Variants in EPHB2 observed in about 807,000 individuals in gnomAD.
The protein encoded by EPHB2 is EPH receptor B2.
In EPHB2, 18 loss-of-function variants were observed where a neutral mutation model predicts 96.4. The ratio of observed to expected loss-of-function variants is 0.19; its 90% confidence interval spans 0.13 to 0.28. The LOEUF is 0.28. Ranked by LOEUF, EPHB2 falls within the 10% of genes least tolerant of loss-of-function variation. The pLI is 1.00. For synonymous variants in EPHB2, 506 were observed against 534.1 expected (o/e 0.95, Z 0.72); for missense variants, 989 against 1,355.4 (o/e 0.73, Z 4.25).
intron 6 of EPHB2, among the ~76,000 whole-genome samples, chr1:22,883,550 G>T (rs309484): frequency 1.3e-5 from 2 of 152,234 alleles, no homozygotes; most frequent in Non-Finnish European, 2.9e-5. Context: ...GGAGGCCTTT[G>T]GTTGAGGGCA....
At chr1:22,857,539 T>A (rs1233905405) in intron 3 of EPHB2, among the ~76,000 whole-genome samples, 2 of 151,816 alleles carry the variant, frequency 1.3e-5, no homozygotes, top group Non-Finnish European at 2.9e-5. Flanking sequence ...GGATGGTCAA[T>A]CCTCCCAGTT....
intron 9 of EPHB2, 105 bp downstream of exon 9, chr1:22,896,583 A>G (rs1176990103): frequency 6.8e-7 from 1 of 1,468,428 alleles, no homozygotes; most frequent in African/African-American, 1.4e-5. Flanking sequence ...CTGCAGGCAG[A>G]CAATGTCAAG....
intron 5 of EPHB2, 127 bp from the exon 6 acceptor site, chr1:22,882,232 G>T: frequency 6.6e-7 from 1 of 1,514,752 alleles, no homozygotes; most frequent in Non-Finnish European, 9.0e-7. Context: ...TGGCTCTGTG[G>T]CCTCAGCCAG....
chr1:22,819,313 C>T lies in EPHB2; in HGVS notation c.811+34237C>T, dbSNP rs570429077. Among the ~76,000 whole-genome samples the T allele has an allele frequency of 6.0e-5, 9 of 151,200 alleles. No individual in the cohort carries two copies. In the South Asian group the frequency reaches 1.9e-3, roughly 32 times the overall value. On this transcript the variant is annotated intron_variant, in intron 3 of 15. Coordinates refer to ENST00000374630, the MANE Select transcript of EPHB2 (RefSeq NM_017449.5). ...CATCTCCGGCCACCGCCTCTCACAA[C>T]CTCTGTTCCAGTCTCTCTGGCAGCC...
At chr1:22,892,741 T>C (rs1173113266) in intron 6 of EPHB2, 143 bp from the exon 7 acceptor site, 3 of 1,056,632 alleles carry the variant, frequency 2.8e-6, no homozygotes, top group Non-Finnish European at 4.4e-6. Context: ...CATAATTCTA[T>C]TAAAGGGAGG....
Position 22,773,279 on chromosome 1 carries a change from T to C in EPHB2, c.62-8142T>C, listed in dbSNP as rs1383585517. On this transcript the variant is annotated intron_variant, in intron 1 of 15. Transcript: ENST00000374630. ...CTTGTCTTCTCCTGGAATTTCTAACTTGGACCATGAAAAGAGTGCTGTGAC... is the reference window on the plus strand; with the variant it reads ...CTTGTCTTCTCCTGGAATTTCTAACCTGGACCATGAAAAGAGTGCTGTGAC... Among the ~76,000 whole-genome samples the C allele has an allele frequency of 2.6e-5, 4 of 152,198 alleles. No homozygotes were observed. In the East Asian group the frequency reaches 7.7e-4, roughly 29 times the overall value.
chr1:22,892,710 GA>G, intron 6 of EPHB2, 173 bp from the exon 7 acceptor site: 1 of 869,512 alleles, frequency 1.2e-6, no homozygotes, highest in Non-Finnish European at 2.0e-6. Context: ...GGGCAGTGTT[GA>G]AAAGTAACAT....
At chr1:22,872,743 A>G (rs964618240) in intron 5 of EPHB2, among the ~76,000 whole-genome samples, 31 of 152,288 alleles carry the variant, frequency 2.0e-4, no homozygotes, top group African/African-American at 7.0e-4. Context: ...CTTTTCTGCC[A>G]CTTGTGTTCT....
chr1:22,729,670 G>A (rs996310555), intron 1 of EPHB2, among the ~76,000 whole-genome samples: 1 of 152,170 alleles, frequency 6.6e-6, no homozygotes, highest in Non-Finnish European at 1.5e-5. Context: ...CATCCTCCAT[G>A]TTTTCAAGGA....
intron 7 of EPHB2, 98 bp from the exon 8 acceptor site, chr1:22,895,374 G>T: frequency 8.9e-7 from 1 of 1,117,966 alleles, no homozygotes; most frequent in Admixed American, 1.8e-5. Flanking sequence ...AGAGTCTAGG[G>T]ATCCCAGGAG....
At chr1:22,840,720 C>T (rs559153613) in intron 3 of EPHB2, among the ~76,000 whole-genome samples, 3 of 152,156 alleles carry the variant, frequency 2.0e-5, no homozygotes, top group Admixed American at 6.5e-5. Context: ...CTTTGCCTCC[C>T]GAAGTGCTGG....
At chr1:22,819,445 A>G (rs968176202) in intron 3 of EPHB2, among the ~76,000 whole-genome samples, 2 of 152,046 alleles carry the variant, frequency 1.3e-5, no homozygotes, top group Non-Finnish European at 1.5e-5. Flanking sequence ...TGGTACCCCC[A>G]TTCATCCTCC....
At chr1:22,888,867 G>T (rs943245028) in intron 6 of EPHB2, among the ~76,000 whole-genome samples, 2 of 152,170 alleles carry the variant, frequency 1.3e-5, no homozygotes, top group African/African-American at 4.8e-5. Context: ...ATATGAAGCA[G>T]CTTCCAGCTG....
At chr1:22,894,903 CA>C (rs1414344274) in intron 7 of EPHB2, among the ~76,000 whole-genome samples, 2 of 152,188 alleles carry the variant, frequency 1.3e-5, no homozygotes, top group Admixed American at 6.5e-5. Flanking sequence ...ATAAAACACT[CA>C]GGGACAAGAA....
intron 5 of EPHB2, among the ~76,000 whole-genome samples, chr1:22,870,996 G>C (rs141961978): frequency 6.6e-6 from 1 of 152,306 alleles, no homozygotes; most frequent in Non-Finnish European, 1.5e-5. Context: ...AAAACACAGA[G>C]ATCATTCTCT....
At chr1:22,901,653 G>A (rs1480197843) in intron 9 of EPHB2, among the ~76,000 whole-genome samples, 1 of 152,224 alleles carries the variant, frequency 6.6e-6, no homozygotes, top group Non-Finnish European at 1.5e-5. Flanking sequence ...CTGGCCACCA[G>A]GCACTCACTC....
At chr1:22,746,092 G>A (rs1643970599) in intron 1 of EPHB2, among the ~76,000 whole-genome samples, 1 of 152,210 alleles carries the variant, frequency 6.6e-6, no homozygotes, top group South Asian at 2.1e-4. Context: ...CCTGGGCCAG[G>A]CATTTTGCCA....
At chr1:22,740,188 G>A (rs1643886310) in intron 1 of EPHB2, among the ~76,000 whole-genome samples, 1 of 152,188 alleles carries the variant, frequency 6.6e-6, no homozygotes, top group African/African-American at 2.4e-5. Flanking sequence ...CTCCACCTGG[G>A]TGATGTCCCC....
rs141595523 is a variant in EPHB2 at position 22,735,189 on chromosome 1, G to A, written c.61+24146G>A. Among the ~76,000 whole-genome samples the A allele has an allele frequency of 3.5e-3, 524 of 151,528 alleles. 4 individuals are homozygous for A. The highest frequency in any genetic ancestry group is 0.012 in the African/African-American group (484 of 40,960). On this transcript the variant is annotated intron_variant, in intron 1 of 15. Coordinates refer to ENST00000374630, the MANE Select transcript of EPHB2 (RefSeq NM_017449.5). ...TATAATCCCAGCACACTTTGGGAGGGTGAGGCAGGAGGGTGAGGCAGGAGG... is the reference window on the plus strand; with the variant it reads ...TATAATCCCAGCACACTTTGGGAGGATGAGGCAGGAGGGTGAGGCAGGAGG...
Sources: gnomAD v4.1 joint callset for allele counts (sites outside exome capture counted in the v4.1 genomes callset) on GRCh38, gnomAD v4.1.1 for gene constraint, MANE v1.5 for transcripts, NCBI Gene and HGNC (gene_info 2026-07-23, HGNC 2026-07-21) for gene names.